FBXO32: variants seen among roughly 807,000 people sequenced by gnomAD.
The protein encoded by FBXO32 is F-box protein 32.
A neutral mutation model predicts 48.3 loss-of-function variants in FBXO32; 15 were observed. The observed-to-expected ratio is 0.31, with a 90% CI of 0.21 to 0.48. The LOEUF (loss-of-function observed/expected upper bound fraction) is 0.48, where lower values mean the gene tolerates loss of function less well. Among genes scored for constraint, FBXO32 ranks in the 20% least tolerant of loss-of-function variants. FBXO32 has a pLI of 0.99. For missense variants in FBXO32, 309 were observed against 432.7 expected, an observed-to-expected ratio of 0.71 and a Z score of 2.54; for synonymous variants, 154 against 165.9, an observed-to-expected ratio of 0.93 and a Z score of 0.55.
At chr8:123,523,187 G>A (rs1816997311) in intron 4 of FBXO32, among the ~76,000 whole-genome samples, 1 of 152,170 alleles carries the variant, frequency 6.6e-6, no homozygotes, top group African/African-American at 2.4e-5. Flanking sequence ...CTCCTTGGAT[G>A]AGAAAAGGTC....
chr8:123,532,883 C>T (rs759767242), intron 3 of FBXO32, among the ~76,000 whole-genome samples: 3 of 152,198 alleles, frequency 2.0e-5, no homozygotes, highest in East Asian at 1.9e-4. Flanking sequence ...AAAAGGGAGA[C>T]CTTGCCCTGA....
intron 4 of FBXO32, among the ~76,000 whole-genome samples, chr8:123,520,905 G>T (rs1440889774): frequency 6.6e-6 from 1 of 152,142 alleles, no homozygotes; most frequent in African/African-American, 2.4e-5. Context: ...GGCTACACAG[G>T]TTATTCGTCT....
chr8:123,522,212 T>G (rs1816970010), intron 4 of FBXO32, among the ~76,000 whole-genome samples: 2 of 147,422 alleles, frequency 1.4e-5, no homozygotes, highest in African/African-American at 5.0e-5. Context: ...TTACTTTTTT[T>G]TTTTTTTTTT....
intron 4 of FBXO32, among the ~76,000 whole-genome samples, chr8:123,530,646 C>T (rs751860427): frequency 1.3e-5 from 2 of 152,206 alleles, no homozygotes; most frequent in Admixed American, 6.5e-5. Flanking sequence ...GACAGAGTCT[C>T]GCACTGTCGC....
In FBXO32 at chr8:123,506,155, A is replaced by G. The variant is rs1816613356; in HGVS notation, c.834+237T>C. On this transcript the variant is annotated intron_variant, in intron 7 of 8. Coordinates refer to ENST00000517956, the MANE Select transcript of FBXO32 (RefSeq NM_058229.4). This position sits in a 1 kb window ranked among gnomAD's most constrained non-coding sequence, Gnocchi z 4.0. ...GAGGTGGGAGGGTTGCTTGAGCCCA[A>G]GTGGCTGAGGTTACAGTGAGCTATG... 6.6e-6 allele frequency among the ~76,000 whole-genome samples: 1 copy of G among 152,106 alleles called. No homozygotes were observed. Among genetic ancestry groups the G allele is most frequent in the Non-Finnish European group, 1.5e-5 (1 of 68,006 alleles).
At position 123,504,704 on chromosome 8, in the gene FBXO32, C is replaced by T. The variant is rs776312929; in HGVS notation, c.878G>A (p.Trp293Ter). Residue 293 changes from tryptophan to a stop codon, truncating the protein, a stop_gained, in exon 8 of 9, where the codon TGG (tryptophan) becomes TAG (stop). Coordinates refer to ENST00000517956, the MANE Select transcript of FBXO32 (RefSeq NM_058229.4). LOFTEE classifies it high-confidence loss of function. ...LILSDKGQLD[W>*]KKMYFKLVRC... ...GACAAGTTTGAAATACATCTTCTTC[C>T]AATCCAGCTGCCCTTTGTCTGACAG... 6.2e-7 allele frequency: 1 copy of T among 1,613,920 alleles called. No individual in the cohort carries two copies. Among genetic ancestry groups the T allele is most frequent in the Non-Finnish European group, 8.5e-7 (1 of 1,179,966 alleles).
chr8:123,500,218 T>C lies in FBXO32; in HGVS notation c.*3155A>G, dbSNP rs1311603818. 3.3e-5 allele frequency: 5 copies of C among 152,166 alleles called. No homozygotes were observed. In the East Asian group the frequency reaches 9.6e-4, roughly 29 times the overall value. 9.4% of individuals were successfully genotyped at this position (152,166 alleles called of 1,614,324 possible). ...TCTCCTTGTCCCAAATGCAAGGGTT[T>C]ACTCTCAAGAGACTCTAGGCTCACT... On this transcript the variant is annotated 3_prime_UTR_variant, in exon 9 of 9. Coordinates refer to ENST00000517956, the MANE Select transcript of FBXO32 (RefSeq NM_058229.4).
Position 123,511,756 on chromosome 8 carries a change from A to G in FBXO32, c.651+1442T>C, listed in dbSNP as rs557469033. On this transcript the variant is annotated intron_variant, in intron 6 of 8. Transcript: ENST00000517956. ...CTCCCAAAGTGCTGGGATTACAGAC[A>G]TGAGCCACTGCACCTGGCCAACTGT... Among the ~76,000 whole-genome samples the G allele has an allele frequency of 2.2e-4, 33 of 152,272 alleles. 1 individual carries two copies. The highest frequency in any genetic ancestry group is 7.5e-4 in the African/African-American group (31 of 41,558).
chr8:123,500,983 C>T lies in FBXO32; in HGVS notation c.*2390G>A, dbSNP rs1586984756. The T allele has an allele frequency of 6.6e-6, 1 of 152,200 alleles. No individual in the cohort carries two copies. The highest frequency in any genetic ancestry group is 1.5e-5 in the Non-Finnish European group (1 of 68,048). 9.4% of individuals were successfully genotyped at this position (152,200 alleles called of 1,614,324 possible). A position where few individuals can be genotyped will look rare whatever the true frequency, so the allele number is the denominator to read the frequency against. ...ATGCACATGGTTGCCTGGAGTCTAT[C>T]GTACAATCATGTGCACTGCTGACAG... is the stretch of plus-strand genomic sequence containing the variant. On this transcript the variant is annotated 3_prime_UTR_variant, in exon 9 of 9. Transcript: ENST00000517956.
chr8:123,512,174 G>A (rs984080317), intron 6 of FBXO32, among the ~76,000 whole-genome samples: 14 of 152,318 alleles, frequency 9.2e-5, no homozygotes, highest in South Asian at 6.2e-4. Context: ...TGGGTGCAGC[G>A]TGTAGGTGTT....
intron 4 of FBXO32, among the ~76,000 whole-genome samples, chr8:123,516,138 A>G (rs928527765): frequency 1.3e-5 from 2 of 152,222 alleles, no homozygotes; most frequent in Non-Finnish European, 2.9e-5. Context: ...CCACTCCACA[A>G]CTAGTGAGGA....
At chr8:123,531,863 G>T in intron 4 of FBXO32, 35 bp downstream of exon 4, 1 of 1,607,244 alleles carries the variant, frequency 6.2e-7, no homozygotes, top group South Asian at 1.1e-5. Context: ...ACTTGGGAAA[G>T]AGCCTGGATG....
intron 4 of FBXO32, among the ~76,000 whole-genome samples, chr8:123,516,847 G>A (rs772328691): frequency 2.0e-5 from 3 of 152,052 alleles, no homozygotes; most frequent in Non-Finnish European, 4.4e-5. Context: ...GGAGCTCACC[G>A]AGTGTCTGCT....
chr8:123,541,089 G>T lies in FBXO32; in HGVS notation c.-75C>A. ...GCTCGGGGACGTGCCACCCGGGGCGGATGCTCGGGGTGCAGGGGCCCGCGA... is the reference window on the plus strand; with the variant it reads ...GCTCGGGGACGTGCCACCCGGGGCGTATGCTCGGGGTGCAGGGGCCCGCGA... On this transcript the variant is annotated 5_prime_UTR_variant, in exon 1 of 9. Transcript: ENST00000517956. 1.0e-6 allele frequency: 1 copy of T among 990,244 alleles called. No homozygotes were observed. The highest frequency in any genetic ancestry group is 1.4e-6 in the Non-Finnish European group (1 of 711,232). The allele number at this position is 990,244 out of a possible 1,614,324, so 61.3% of individuals were successfully genotyped here.
intron 4 of FBXO32, among the ~76,000 whole-genome samples, chr8:123,526,225 T>C (rs1315616734): frequency 6.6e-6 from 1 of 152,054 alleles, no homozygotes; most frequent in Non-Finnish European, 1.5e-5. Flanking sequence ...TGATCTTTTT[T>C]TTTTTTTGAG....
At chr8:123,533,149 G>A (rs766285969) in intron 3 of FBXO32, 42 bp downstream of exon 3, 1 of 1,491,080 alleles carries the variant, frequency 6.7e-7, no homozygotes, top group East Asian at 2.3e-5. Flanking sequence ...ATCAGGAAGG[G>A]ATAAGGTTCA....
At chr8:123,531,499 A>G (rs1445512411) in intron 4 of FBXO32, among the ~76,000 whole-genome samples, 5 of 152,242 alleles carry the variant, frequency 3.3e-5, no homozygotes, top group African/African-American at 2.4e-5. Flanking sequence ...GAAACAGTCC[A>G]AAGTGCTTTA....
intron 4 of FBXO32, among the ~76,000 whole-genome samples, chr8:123,517,429 G>A (rs1816860973): frequency 6.6e-6 from 1 of 151,556 alleles, no homozygotes; most frequent in South Asian, 2.1e-4. Context: ...ATAACGACAT[G>A]TTAACCATTC....
rs779610811 is a variant in FBXO32 at position 123,506,478 on chromosome 8, C to T, written c.748G>A (p.Gly250Ser). The change falls in exon 7 of 9, where the codon GGC (glycine) becomes AGC (serine). Residue 250 changes from glycine to serine, a missense_variant. Transcript: ENST00000517956. The surrounding 1 kb of genome is among the most constrained non-coding windows in gnomAD (Gnocchi z 4.0). Reference protein sequence around the residue: ...LSDGRDLVSLGQAAPDLHVLS... With the variant: ...LSDGRDLVSLSQAAPDLHVLS... ...ACGTGCAGGTCGGGGGCAGCCTGGCCCAGGCTGACCAGGTCCCGCCCGTCG... is the reference window on the plus strand; with the variant it reads ...ACGTGCAGGTCGGGGGCAGCCTGGCTCAGGCTGACCAGGTCCCGCCCGTCG... 3 of 1,614,084 alleles carry T rather than the reference C, an allele frequency of 1.9e-6. No homozygotes were observed. The South Asian group carries it at 3.3e-5, about 18-fold the overall frequency.
Sources: allele counts gnomAD v4.1 joint callset (sites outside exome capture counted in the v4.1 genomes callset), GRCh38; gene constraint gnomAD v4.1.1; non-coding constraint Gnocchi (gnomAD v3.1); transcripts MANE v1.5; gene names NCBI Gene and HGNC (gene_info 2026-07-23, HGNC 2026-07-21).